The following MDGA2 variants were observed in gnomAD, a reference collection of about 807,000 sequenced individuals.
MDGA2 encodes MAM domain containing glycosylphosphatidylinositol anchor 2.
Under a neutral mutation model 117.8 loss-of-function variants are expected in MDGA2, and 40 were observed. That is an observed-to-expected ratio of 0.34 (90% CI 0.26 to 0.44). The LOEUF (loss-of-function observed/expected upper bound fraction) is 0.44. Ranked by LOEUF, MDGA2 falls within the 20% of genes least tolerant of loss-of-function variation. MDGA2 has a pLI of 1.00. For missense variants in MDGA2, 1,123 were observed against 1,250.6 expected (o/e 0.90, Z 1.54); for synonymous variants, 452 against 439.0 (o/e 1.03, Z -0.37).
chr14:47,283,061 G>A (rs1181306331), intron 2 of MDGA2, among the ~76,000 whole-genome samples: 2 of 152,130 alleles, frequency 1.3e-5, no homozygotes, highest in African/African-American at 2.4e-5. Flanking sequence ...ACATATCAAA[G>A]GTCTTTGTTA....
intron 1 of MDGA2, among the ~76,000 whole-genome samples, chr14:47,597,959 GC>G: frequency 6.6e-6 from 1 of 151,764 alleles, no homozygotes; most frequent in East Asian, 1.9e-4. Context: ...AAGACATTGA[GC>G]GTGCGTATAA....
intron 8 of MDGA2, among the ~76,000 whole-genome samples, chr14:47,005,016 G>A (rs1887661814): frequency 6.6e-6 from 1 of 151,412 alleles, no homozygotes; most frequent in Admixed American, 6.6e-5. Flanking sequence ...AGATTCCATT[G>A]TATTATTTAC....
chr14:47,109,706 GA>G (rs1177260728), intron 5 of MDGA2, among the ~76,000 whole-genome samples: 13 of 152,276 alleles, frequency 8.5e-5, no homozygotes, highest in Non-Finnish European at 1.5e-4. Flanking sequence ...CACAATTTGG[GA>G]GGCCAAGGCA....
intron 8 of MDGA2, among the ~76,000 whole-genome samples, chr14:47,011,828 T>C (rs1887905239): frequency 6.6e-6 from 1 of 151,974 alleles, no homozygotes; most frequent in Non-Finnish European, 1.5e-5. Flanking sequence ...TGGAAAACAA[T>C]AATATACTTC....
chr14:47,309,560 C>T (rs1024328033), intron 1 of MDGA2, among the ~76,000 whole-genome samples: 1 of 151,972 alleles, frequency 6.6e-6, no homozygotes, highest in Non-Finnish European at 1.5e-5. Context: ...AGTAACTGAA[C>T]CACTCTAAGA....
At chr14:47,161,927 C>CTTTTTTTTTT (rs71112489) in intron 3 of MDGA2, among the ~76,000 whole-genome samples, 9 of 52,512 alleles carry the variant, frequency 1.7e-4, no homozygotes, top group Non-Finnish European at 2.5e-4. Flanking sequence ...TCCCCAGATC[C>CTTTTTTTTTT]TTTTTTTTTT....
At chr14:47,286,533 A>T (rs889985274) in intron 2 of MDGA2, among the ~76,000 whole-genome samples, 1 of 151,854 alleles carries the variant, frequency 6.6e-6, no homozygotes, top group Non-Finnish European at 1.5e-5. Flanking sequence ...CTCCAGTTCC[A>T]TCCATGGTGT....
intron 5 of MDGA2, among the ~76,000 whole-genome samples, chr14:47,117,510 T>C (rs969624697): frequency 6.6e-6 from 1 of 152,140 alleles, no homozygotes; most frequent in African/African-American, 2.4e-5. Flanking sequence ...TAAATGTGCA[T>C]CAACTGATGA....
At chr14:47,248,481 A>G (rs1227499341) in intron 2 of MDGA2, among the ~76,000 whole-genome samples, 1 of 151,736 alleles carries the variant, frequency 6.6e-6, no homozygotes, top group Non-Finnish European at 1.5e-5. Context: ...ACAAGGTAAT[A>G]ATTTAGACAG....
At chr14:47,609,464 TAA>T (rs1491325974) in intron 1 of MDGA2, among the ~76,000 whole-genome samples, 11 of 119,130 alleles carry the variant, frequency 9.2e-5, no homozygotes, top group African/African-American at 3.1e-4. Flanking sequence ...TATATATATA[TAA>T]GTTTCTTTAT....
chr14:47,321,351 A>G (rs953751466), intron 1 of MDGA2, among the ~76,000 whole-genome samples: 2 of 152,242 alleles, frequency 1.3e-5, no homozygotes, highest in Non-Finnish European at 2.9e-5. Flanking sequence ...TTAATAGAGC[A>G]TCGTTAACAT....
At chr14:47,536,535 TA>T (rs1825414059) in intron 1 of MDGA2, among the ~76,000 whole-genome samples, 1 of 152,230 alleles carries the variant, frequency 6.6e-6, no homozygotes, top group African/African-American at 2.4e-5. Context: ...ATTGACTTGT[TA>T]ATCACACCAA....
chr14:47,058,742 C>A, intron 7 of MDGA2: 1 of 985,344 alleles, frequency 1.0e-6, no homozygotes, highest in Non-Finnish European at 1.2e-6. Flanking sequence ...TCAGTTTTGG[C>A]TTGAAGACAG....
chr14:47,184,486 C>G (rs1884834378), intron 3 of MDGA2, among the ~76,000 whole-genome samples: 1 of 151,758 alleles, frequency 6.6e-6, no homozygotes, highest in Non-Finnish European at 1.5e-5. Context: ...CCATGTAGCC[C>G]AGATTCATTT....
Position 47,675,400 on chromosome 14 carries a change from G to T in MDGA2, c.-604C>A, listed in dbSNP as rs1199008394. On this transcript the variant is annotated 5_prime_UTR_variant, in exon 1 of 17. Transcript: ENST00000399232. ...GGGGTGGGGAAGAGGGAAGGGAGGAGGGGGAAGAAGGAGGAGGAAAGGGTC... is the reference window on the plus strand; with the variant it reads ...GGGGTGGGGAAGAGGGAAGGGAGGATGGGGAAGAAGGAGGAGGAAAGGGTC... Among the ~76,000 whole-genome samples, 1 of 152,092 alleles carries T rather than the reference G, an allele frequency of 6.6e-6. No homozygotes were observed. Among genetic ancestry groups the T allele is most frequent in the East Asian group, 2.0e-4 (1 of 5,100 alleles).
intron 1 of MDGA2, among the ~76,000 whole-genome samples, chr14:47,613,479 T>TCTCTCACACACA (rs1023859588): frequency 1.3e-4 from 18 of 141,166 alleles, no homozygotes; most frequent in South Asian, 1.2e-3. Context: ...TCTCTCTCTC[T>TCTCTCACACACA]CACACACACA....
At chr14:46,922,090 A>T (rs1321018346) in intron 9 of MDGA2, among the ~76,000 whole-genome samples, 1 of 152,134 alleles carries the variant, frequency 6.6e-6, no homozygotes, top group Non-Finnish European at 1.5e-5. Context: ...TTTTTTTAGC[A>T]TGGATAAAAA....
At chr14:46,848,952 G>A (rs556707517) in intron 15 of MDGA2, among the ~76,000 whole-genome samples, 4 of 151,880 alleles carry the variant, frequency 2.6e-5, no homozygotes, top group Non-Finnish European at 4.4e-5. Context: ...GAATGAAGTG[G>A]TACAGTAAAA....
chr14:47,548,448 T>TAG (rs1895508155), intron 1 of MDGA2, among the ~76,000 whole-genome samples: 1 of 152,146 alleles, frequency 6.6e-6, no homozygotes, highest in East Asian at 1.9e-4. Context: ...AATGACTAAT[T>TAG]TTTTTGCTTA....
Sources: gnomAD v4.1 joint callset for allele counts (sites outside exome capture counted in the v4.1 genomes callset) on GRCh38, gnomAD v4.1.1 for gene constraint, MANE v1.5 for transcripts, NCBI Gene and HGNC (gene_info 2026-07-23, HGNC 2026-07-21) for gene names.